Variants in CLNS1A observed in about 807,000 individuals in gnomAD.
CLNS1A encodes the protein methylosome subunit pICln.
Under a neutral mutation model 29.4 loss-of-function variants are expected in CLNS1A, and 16 were observed. The observed-to-expected ratio is 0.54, with a 90% CI of 0.37 to 0.83. The LOEUF (loss-of-function observed/expected upper bound fraction) is 0.83, where lower values mean the gene tolerates loss of function less well. Ranked by LOEUF, CLNS1A falls within the 40% of genes least tolerant of loss-of-function variation. The pLI is 0.00. For missense variants in CLNS1A, 235 were observed against 287.4 expected, an observed-to-expected ratio of 0.82 and a Z score of 1.32; for synonymous variants, 96 against 104.8, an observed-to-expected ratio of 0.92 and a Z score of 0.51.
chr11:77,617,319 A>G (rs974291973), intron 6 of CLNS1A, among the ~76,000 whole-genome samples: 5 of 133,066 alleles, frequency 3.8e-5, no homozygotes, highest in Non-Finnish European at 7.7e-5. Flanking sequence ...CGGTGAGCCG[A>G]TTGCACCATT....
In CLNS1A at chr11:77,637,626, T is replaced by C. The variant is rs781329205; in HGVS notation, c.89A>G (p.Lys30Arg). The change falls in exon 1 of 7, where the codon AAG becomes AGG. Residue 30 changes from lysine to arginine, a missense_variant. Coordinates refer to ENST00000525428, the MANE Select transcript of CLNS1A (RefSeq NM_001293.3). ...GTAAAGGGTACCAGTGCCGAGGCCC[T>C]TCCCGTTCAGCACAGCCTCAGTGTC... Reference protein sequence around the residue: ...QPDTEAVLNGKGLGTGTLYIA... With the variant: ...QPDTEAVLNGRGLGTGTLYIA... The C allele has an allele frequency of 3.1e-6, 5 of 1,594,762 alleles. No homozygotes were observed. The highest frequency in any genetic ancestry group is 2.3e-5 in the East Asian group (1 of 43,744).
At chr11:77,621,988 A>C in intron 5 of CLNS1A, 1 of 456,256 alleles carries the variant, frequency 2.2e-6, no homozygotes, top group South Asian at 1.5e-5. Context: ...GCCAGCCTTC[A>C]GTCACGTGGG....
chr11:77,634,723 CA>C (rs763196921), intron 1 of CLNS1A, among the ~76,000 whole-genome samples: 1,280 of 54,094 alleles, frequency 0.024, 9 homozygotes, highest in African/African-American at 0.073. Context: ...GACTCTGTCT[CA>C]AAAAAAAAAA....
At chr11:77,626,319 G>T (rs1959018950) in intron 2 of CLNS1A, among the ~76,000 whole-genome samples, 1 of 152,116 alleles carries the variant, frequency 6.6e-6, no homozygotes, top group South Asian at 2.1e-4. Context: ...CTGGGCTCAA[G>T]TGATCCTCCT....
chr11:77,623,344 C>A (rs1958982355), intron 4 of CLNS1A, among the ~76,000 whole-genome samples: 1 of 152,112 alleles, frequency 6.6e-6, no homozygotes, highest in South Asian at 2.1e-4. Context: ...AATCCCAGCA[C>A]TTTGAGAGGC....
intron 2 of CLNS1A, among the ~76,000 whole-genome samples, chr11:77,627,359 A>G (rs1052612559): frequency 2.6e-4 from 39 of 151,792 alleles, no homozygotes; most frequent in African/African-American, 9.4e-4. Flanking sequence ...GAATCGCTTG[A>G]ACCCAGGAGG....
rs1360461745 is a variant in CLNS1A, at chr11:77,619,626, T to C, written c.*2A>G. The C allele has an allele frequency of 1.9e-6, 3 of 1,611,068 alleles. No homozygotes were observed. Among genetic ancestry groups the C allele is most frequent in the Admixed American group, 1.7e-5 (1 of 60,024 alleles). ...CTCACCTTAAACTTGCATAAATCAT[T>C]TTCAGTGATCAACATCTGCATCCTC... On this transcript the variant is annotated 3_prime_UTR_variant, in exon 6 of 7. Transcript: ENST00000525428.
chr11:77,625,930 T>G (rs767244553), intron 2 of CLNS1A, 112 bp from the exon 3 acceptor site: 38 of 929,380 alleles, frequency 4.1e-5, no homozygotes, highest in Non-Finnish European at 6.0e-5. Flanking sequence ...GTTGACAAAT[T>G]TATTTCCAAT....
chr11:77,617,914 T>C (rs1590791851), intron 6 of CLNS1A, among the ~76,000 whole-genome samples: 1 of 148,050 alleles, frequency 6.8e-6, no homozygotes, highest in South Asian at 2.1e-4. Flanking sequence ...CGAGATTCCA[T>C]CTCAAAAAGA....
chr11:77,624,679 C>T (rs372194470), intron 4 of CLNS1A, among the ~76,000 whole-genome samples: 1 of 152,022 alleles, frequency 6.6e-6, no homozygotes, highest in Non-Finnish European at 1.5e-5. Flanking sequence ...ATTAGCCTGG[C>T]GTGGTGGCGC....
intron 6 of CLNS1A, among the ~76,000 whole-genome samples, chr11:77,617,146 T>C (rs1488265001): frequency 6.6e-6 from 1 of 152,094 alleles, no homozygotes. Context: ...GGCAGGCGGA[T>C]AACCTGAGGT....
chr11:77,626,144 T>C (rs1308741222), intron 2 of CLNS1A, among the ~76,000 whole-genome samples: 1 of 152,134 alleles, frequency 6.6e-6, no homozygotes, highest in African/African-American at 2.4e-5. Context: ...GACTGGGACT[T>C]GTTTTGTTGC....
chr11:77,625,687 G>C lies in CLNS1A; in HGVS notation c.364+30C>G, dbSNP rs367889771. On this transcript the variant is annotated intron_variant, in intron 3 of 6. Transcript: ENST00000525428. The stretch of plus-strand genomic sequence containing the variant: ...AATTGGGAATGCTTGGTATGTAAAA[G>C]GGGAAGAATCAATACTGTAGAACAC... 37 of 1,585,856 alleles carry C rather than the reference G, an allele frequency of 2.3e-5. No homozygotes were observed. In the African/African-American group the frequency reaches 4.8e-4, roughly 21 times the overall value.
chr11:77,637,069 T>TTG (rs1425492801), intron 1 of CLNS1A, among the ~76,000 whole-genome samples: 1 of 151,678 alleles, frequency 6.6e-6, no homozygotes, highest in Non-Finnish European at 1.5e-5. Context: ...AAAATCTTTA[T>TTG]TGTGTAACCA....
intron 2 of CLNS1A, among the ~76,000 whole-genome samples, chr11:77,627,885 G>A (rs1959036674): frequency 6.6e-6 from 1 of 152,064 alleles, no homozygotes; most frequent in Non-Finnish European, 1.5e-5. Context: ...GAGTGCAGTG[G>A]CGCGATCTCA....
At chr11:77,625,124 T>A (rs1959003569) in intron 3 of CLNS1A, 54 bp from the exon 4 acceptor site, 1 of 1,292,462 alleles carries the variant, frequency 7.7e-7, no homozygotes, top group Non-Finnish European at 1.1e-6. Context: ...AAAGTAACCA[T>A]CAGTGCAAAT....
At chr11:77,622,740 A>G (rs896548737) in intron 4 of CLNS1A, 67 bp from the exon 5 acceptor site, 1 of 1,252,344 alleles carries the variant, frequency 8.0e-7, no homozygotes, top group Non-Finnish European at 1.1e-6. Context: ...AATCAATAAT[A>G]TATCTGCCGC....
chr11:77,631,145 C>T (rs1309766299), intron 1 of CLNS1A, among the ~76,000 whole-genome samples: 1 of 152,114 alleles, frequency 6.6e-6, no homozygotes, highest in Non-Finnish European at 1.5e-5. Flanking sequence ...AGTCTGAGAT[C>T]ACTCATGTTC....
chr11:77,631,664 C>CA (rs1959076341), intron 1 of CLNS1A, among the ~76,000 whole-genome samples: 1 of 150,828 alleles, frequency 6.6e-6, no homozygotes, highest in Non-Finnish European at 1.5e-5. Flanking sequence ...TATGCACTGT[C>CA]ATGTGGAAAG....
Sources: gnomAD v4.1 joint callset for allele counts (sites outside exome capture counted in the v4.1 genomes callset) on GRCh38, gnomAD v4.1.1 for gene constraint, MANE v1.5 for transcripts, NCBI Gene and HGNC (gene_info 2026-07-23, HGNC 2026-07-21) for gene names.